PRDM1: variants seen among roughly 807,000 people sequenced by gnomAD.
The protein encoded by PRDM1 is PR domain zinc finger protein 1.
In PRDM1, 13 loss-of-function variants were observed where a neutral mutation model predicts 62.8. That is an observed-to-expected ratio of 0.21 (90% CI 0.13 to 0.33). The LOEUF is 0.33. PRDM1 is among the 10% of genes least tolerant of loss of function. The probability of loss-of-function intolerance (pLI) is 1.00; values close to 1 mark genes in which losing one functional copy is unlikely to be tolerated. For missense variants in PRDM1, 895 were observed against 1,058.8 expected (o/e 0.85, Z 2.15); for synonymous variants, 396 against 417.6 (o/e 0.95, Z 0.63).
chr6:106,020,197 A>AC (rs1554199834), intron 1 of PRDM1, among the ~76,000 whole-genome samples: 4 of 151,066 alleles, frequency 2.6e-5, no homozygotes, highest in Middle Eastern at 3.4e-3. Context: ...AAAAAAAAAA[A>AC]CCCACAAACA....
intron 2 of PRDM1, among the ~76,000 whole-genome samples, chr6:106,092,572 C>T (rs536549890): frequency 1.2e-4 from 18 of 152,312 alleles, no homozygotes; most frequent in African/African-American, 4.1e-4. Flanking sequence ...CCAAGTTCCT[C>T]CTTAGTATTT....
intron 4 of PRDM1, 56 bp downstream of exon 4, chr6:106,099,608 C>CT: frequency 6.3e-7 from 1 of 1,591,064 alleles, no homozygotes; most frequent in East Asian, 2.2e-5. Context: ...GGTTCTGCCC[C>CT]TTTGAACTAA....
Position 106,105,942 on chromosome 6 carries a change from T to A in PRDM1, c.1773+9T>A, listed in dbSNP as rs763634790. ...AGCTCTCCAATCTGAAGGTAGGCCT[T>A]GAGAGAGAGCAGTCCAAGGGGCTGT... On this transcript the variant is annotated intron_variant, in intron 5 of 6. Coordinates refer to ENST00000369096, the MANE Select transcript of PRDM1 (RefSeq NM_001198.4). 3 of 1,609,078 alleles carry A rather than the reference T, an allele frequency of 1.9e-6. No homozygotes were observed. In the South Asian group the frequency reaches 3.3e-5, roughly 18 times the overall value.
chr6:105,999,496 G>C (rs1466105322), intron 1 of PRDM1, among the ~76,000 whole-genome samples: 2 of 152,218 alleles, frequency 1.3e-5, no homozygotes, highest in East Asian at 3.9e-4. Flanking sequence ...TCAGCCAGGG[G>C]CACTCCTCCT....
chr6:106,090,604 G>A (rs1038162751), intron 2 of PRDM1, among the ~76,000 whole-genome samples: 2 of 152,196 alleles, frequency 1.3e-5, no homozygotes, highest in African/African-American at 4.8e-5. Flanking sequence ...TTAAGGGTAG[G>A]ATAGCTGCAA....
intron 1 of PRDM1, among the ~76,000 whole-genome samples, chr6:106,021,461 T>C (rs1772694939): frequency 6.6e-6 from 1 of 152,204 alleles, no homozygotes; most frequent in African/African-American, 2.4e-5. Context: ...CCAGACAGGG[T>C]TGGTTTTCTC....
At chr6:106,049,667 C>T (rs35516202) in intron 1 of PRDM1, among the ~76,000 whole-genome samples, 82 of 152,060 alleles carry the variant, frequency 5.4e-4, no homozygotes, top group Non-Finnish European at 8.8e-4. Flanking sequence ...CCCTGAATTG[C>T]GTGCACATGC....
intron 3 of PRDM1, among the ~76,000 whole-genome samples, chr6:106,097,207 G>A (rs1272974403): frequency 2.0e-5 from 3 of 152,074 alleles, no homozygotes; most frequent in Non-Finnish European, 2.9e-5. Flanking sequence ...TGTCAATAAC[G>A]TCTTCTCAGA....
At chr6:106,097,974 A>G (rs1406450052) in intron 3 of PRDM1, among the ~76,000 whole-genome samples, 1 of 152,192 alleles carries the variant, frequency 6.6e-6, no homozygotes, top group East Asian at 1.9e-4. Flanking sequence ...CCCCCTTCAC[A>G]ATTTACAGGA....
intron 1 of PRDM1, among the ~76,000 whole-genome samples, chr6:106,009,690 A>G (rs1340666571): frequency 7.9e-5 from 12 of 152,236 alleles, no homozygotes; most frequent in African/African-American, 2.6e-4. Flanking sequence ...TGAGCATCCA[A>G]CCTGAGTGTG....
chr6:106,077,943 GGTAACTGTGATGAGATC>G (rs1773629664), intron 1 of PRDM1, among the ~76,000 whole-genome samples: 1 of 152,218 alleles, frequency 6.6e-6, no homozygotes, highest in Non-Finnish European at 1.5e-5. Flanking sequence ...TAAGCAGTGA[GGTAACTGTGATGAGATC>G]TTTCTTGCTC....
chr6:106,075,480 A>G (rs757641390), intron 1 of PRDM1, among the ~76,000 whole-genome samples: 1 of 152,228 alleles, frequency 6.6e-6, no homozygotes, highest in African/African-American at 2.4e-5. Flanking sequence ...GAAATGCAAG[A>G]CATTTTCAAA....
At chr6:106,100,926 T>C (rs753259235) in intron 4 of PRDM1, among the ~76,000 whole-genome samples, 2 of 152,198 alleles carry the variant, frequency 1.3e-5, no homozygotes, top group Non-Finnish European at 2.9e-5. Context: ...TTTTCCCTCA[T>C]GTCTCTTCAG....
intron 3 of PRDM1, 73 bp downstream of exon 3, chr6:106,095,807 C>T: frequency 6.6e-7 from 1 of 1,511,556 alleles, no homozygotes; most frequent in Non-Finnish European, 9.0e-7. Context: ...GGGTGGCTCA[C>T]CTTTCTCATC....
At chr6:106,098,645 C>T (rs1774178276) in intron 3 of PRDM1, 1 of 1,336,574 alleles carries the variant, frequency 7.5e-7, no homozygotes, top group Non-Finnish European at 9.9e-7. Flanking sequence ...CTGTCAAATT[C>T]GGGCTGCTGC....
At chr6:106,103,259 G>A (rs1220882392) in intron 4 of PRDM1, among the ~76,000 whole-genome samples, 1 of 152,098 alleles carries the variant, frequency 6.6e-6, no homozygotes, top group African/African-American at 2.4e-5. Flanking sequence ...AATTGGAATC[G>A]AATCCCTCAA....
At chr6:106,050,069 A>G (rs1263143662) in intron 1 of PRDM1, among the ~76,000 whole-genome samples, 6 of 152,160 alleles carry the variant, frequency 3.9e-5, no homozygotes, top group Non-Finnish European at 7.4e-5. Context: ...CTGAACTCCA[A>G]TGCTGGTGTG....
Position 106,107,677 on chromosome 6 carries a change from C to CATATATATAT in PRDM1, c.*204_*213dup, listed in dbSNP as rs60217130. On this transcript the variant is annotated 3_prime_UTR_variant, in exon 7 of 7. Transcript: ENST00000369096. ...CTCAGGGCATGAACAAGGCAAAGGC[C>CATATATATAT]ATATATATATATATATATATATCTG... 0.063 allele frequency: 12,516 copies of CATATATATAT among 197,916 alleles called. 688 individuals carry two copies. Among genetic ancestry groups the CATATATATAT allele is most frequent in the Admixed American group, 0.19 (3,142 of 16,572 alleles). The allele number at this position is 197,916 out of a possible 1,614,324, so 12.3% of individuals were successfully genotyped here.
At chr6:106,017,354 A>T (rs1356781867) in intron 1 of PRDM1, among the ~76,000 whole-genome samples, 1 of 152,226 alleles carries the variant, frequency 6.6e-6, no homozygotes, top group Non-Finnish European at 1.5e-5. Flanking sequence ...TGCTGTAGAA[A>T]TGTATCCATT....
Sources: gnomAD v4.1 joint callset for allele counts (sites outside exome capture counted in the v4.1 genomes callset) on GRCh38, gnomAD v4.1.1 for gene constraint, MANE v1.5 for transcripts, NCBI Gene and HGNC (gene_info 2026-07-23, HGNC 2026-07-21) for gene names.